Variants in SLC14A2 observed in about 807,000 individuals in gnomAD.
SLC14A2 encodes solute carrier family 14 member 2, also known as urea transporter 2.
Under a neutral mutation model 104.6 loss-of-function variants are expected in SLC14A2, and 91 were observed. The observed-to-expected ratio is 0.87, with a 90% CI of 0.73 to 1.04. SLC14A2 has a LOEUF of 1.04. Among genes scored for constraint, SLC14A2 ranks in the 50% least tolerant of loss-of-function variants. The pLI is 0.00. For synonymous variants in SLC14A2, 476 were observed against 466.4 expected (o/e 1.02, Z -0.27); for missense variants, 1,189 against 1,156.0 (o/e 1.03, Z -0.41).
intron 2 of SLC14A2, among the ~76,000 whole-genome samples, chr18:45,549,172 C>T (rs2044017642): frequency 6.6e-6 from 1 of 152,242 alleles, no homozygotes; most frequent in Admixed American, 6.5e-5. Flanking sequence ...GGGGCCTCAC[C>T]ATTCCCTAGA....
At chr18:45,297,197 G>T (rs559912414) in intron 1 of SLC14A2, among the ~76,000 whole-genome samples, 1 of 152,058 alleles carries the variant, frequency 6.6e-6, no homozygotes, top group South Asian at 2.1e-4. Flanking sequence ...ACCCAATAAT[G>T]CCTTGTTAGA....
At chr18:45,173,362 C>A in the SLC14A2 span, among the ~76,000 whole-genome samples, 1 of 151,654 alleles carries the variant, frequency 6.6e-6, no homozygotes, top group Non-Finnish European at 1.5e-5. Flanking sequence ...AGTACTGGCT[C>A]AAGTATGGAA....
At chr18:45,494,915 TAC>T (rs58079608) in intron 2 of SLC14A2, among the ~76,000 whole-genome samples, 4 of 148,634 alleles carry the variant, frequency 2.7e-5, no homozygotes, top group Non-Finnish European at 5.9e-5. Context: ...CACACACACA[TAC>T]ACACACACAC....
At chr18:45,373,718 A>G (rs575110954) in intron 1 of SLC14A2, among the ~76,000 whole-genome samples, 1 of 152,340 alleles carries the variant, frequency 6.6e-6, no homozygotes, top group Non-Finnish European at 1.5e-5. Flanking sequence ...AGTATAGTGT[A>G]GTGGTTAAGT....
chr18:45,675,685 C>CTATATATATATA (rs35374996), intron 18 of SLC14A2, among the ~76,000 whole-genome samples: 10 of 80,632 alleles, frequency 1.2e-4, no homozygotes, highest in African/African-American at 4.5e-4. Flanking sequence ...CAGCTAATTT[C>CTATATATATATA]TATATATATA....
chr18:45,549,993 G>A (rs1326732463), intron 2 of SLC14A2: 1 of 148,384 alleles, frequency 6.7e-6, no homozygotes, highest in African/African-American at 2.5e-5. Context: ...TTTTTTTAAA[G>A]AGCATGTAAC....
intron 1 of SLC14A2, among the ~76,000 whole-genome samples, chr18:45,412,500 C>A (rs980070805): frequency 6.6e-6 from 1 of 152,196 alleles, no homozygotes; most frequent in African/African-American, 2.4e-5. Context: ...GGAGCAAGGG[C>A]TCATGTGCCT....
At chr18:45,255,402 C>G (rs1388644631) in intron 1 of SLC14A2, among the ~76,000 whole-genome samples, 1 of 152,122 alleles carries the variant, frequency 6.6e-6, no homozygotes, top group African/African-American at 2.4e-5. Flanking sequence ...CTTTTGTGGC[C>G]AAAAAGGGAG....
upstream of SLC14A2, among the ~76,000 whole-genome samples, chr18:45,208,132 G>A (rs1170517558): frequency 1.3e-5 from 2 of 152,024 alleles, no homozygotes; most frequent in Non-Finnish European, 2.9e-5. Context: ...ACCACCTAGA[G>A]AACAGATATG....
At chr18:45,439,444 AT>A (rs60235515) in intron 1 of SLC14A2, among the ~76,000 whole-genome samples, 81,259 of 150,860 alleles carry the variant, frequency 0.54, 22,062 homozygotes, top group Admixed American at 0.67. Flanking sequence ...ATATATTCTG[AT>A]TTTTTTTTTG....
chr18:45,503,475 T>C (rs1301122153), intron 2 of SLC14A2, among the ~76,000 whole-genome samples: 1 of 152,202 alleles, frequency 6.6e-6, no homozygotes, highest in Non-Finnish European at 1.5e-5. Context: ...TTTTTCCTCC[T>C]TCCCTTTTCT....
rs1166405116 is a variant in SLC14A2 at position 45,681,054 on chromosome 18, T to C, written c.2563-1265T>C. ...ATGGTAGTATCTGAGGTTTTTTTTT[T>C]TTTTTTTTTTTTTTTTTTTTTTTTT... On this transcript the variant is annotated intron_variant, in intron 19 of 19. Coordinates refer to ENST00000255226, the MANE Select transcript of SLC14A2 (RefSeq NM_007163.4). Among the ~76,000 whole-genome samples the C allele has an allele frequency of 3.5e-3, 2 of 576 alleles. 1 individual carries two copies. The highest frequency in any genetic ancestry group is 3.5e-3 in the African/African-American group (2 of 566). The allele number at this position is 576 out of a possible 152,430, so 0.4% of individuals were successfully genotyped here.
chr18:45,366,468 A>C (rs1230167879), intron 1 of SLC14A2, among the ~76,000 whole-genome samples: 2 of 152,148 alleles, frequency 1.3e-5, no homozygotes, highest in African/African-American at 2.4e-5. Context: ...TCCTACCTAC[A>C]AAAAGACAGT....
chr18:45,399,014 CAAAAAGAAATAGTA>C (rs2086066525), intron 1 of SLC14A2, among the ~76,000 whole-genome samples: 1 of 152,070 alleles, frequency 6.6e-6, no homozygotes, highest in African/African-American at 2.4e-5. Flanking sequence ...ATACTTAGCC[CAAAAAGAAATAGTA>C]TAATGACACT....
chr18:45,478,254 T>TG (rs1243958763), intron 1 of SLC14A2, among the ~76,000 whole-genome samples: 1 of 152,192 alleles, frequency 6.6e-6, no homozygotes, highest in Non-Finnish European at 1.5e-5. Context: ...TTTGATCCTT[T>TG]GTGCTTCCCA....
chr18:45,281,193 CA>C (rs2084758838), intron 1 of SLC14A2, among the ~76,000 whole-genome samples: 1 of 152,136 alleles, frequency 6.6e-6, no homozygotes, highest in Admixed American at 6.5e-5. Flanking sequence ...ATTTAAATTC[CA>C]AATCATTTTT....
At chr18:45,439,460 C>G (rs1045752446) in intron 1 of SLC14A2, among the ~76,000 whole-genome samples, 3 of 151,428 alleles carry the variant, frequency 2.0e-5, no homozygotes, top group African/African-American at 4.8e-5. Context: ...TTTTTGTTTT[C>G]TTTTTGAAAA....
chr18:45,270,993 A>G (rs2144119813), intron 1 of SLC14A2, among the ~76,000 whole-genome samples: 1 of 152,316 alleles, frequency 6.6e-6, no homozygotes, highest in African/African-American at 2.4e-5. Flanking sequence ...ATCAGTAAAT[A>G]TAGCAGGAAA....
intron 2 of SLC14A2, among the ~76,000 whole-genome samples, chr18:45,578,533 G>A (rs1031306768): frequency 6.6e-6 from 1 of 152,180 alleles, no homozygotes; most frequent in Non-Finnish European, 1.5e-5. Flanking sequence ...AAGAGCCAAG[G>A]AGTAAGAAAG....
Sources: gnomAD v4.1 joint callset for allele counts (sites outside exome capture counted in the v4.1 genomes callset) on GRCh38, gnomAD v4.1.1 for gene constraint, MANE v1.5 for transcripts, NCBI Gene and HGNC (gene_info 2026-07-23, HGNC 2026-07-21) for gene names.